Variants in PROS1 observed in about 807,000 individuals in gnomAD.
PROS1 encodes the protein vitamin K-dependent protein S.
A neutral mutation model predicts 75.9 loss-of-function variants in PROS1; 29 were observed. That is an observed-to-expected ratio of 0.38 (90% CI 0.28 to 0.52). The LOEUF is 0.52. Ranked by LOEUF, PROS1 falls within the 20% of genes least tolerant of loss-of-function variation. The probability of loss-of-function intolerance (pLI) is 0.83; values close to 1 mark genes in which losing one functional copy is unlikely to be tolerated. For missense variants in PROS1, 680 were observed against 810.3 expected (o/e 0.84, Z 1.95); for synonymous variants, 245 against 280.6 (o/e 0.87, Z 1.27).
intron 10 of PROS1, among the ~76,000 whole-genome samples, chr3:93,890,002 G>A (rs1445577270): frequency 2.6e-5 from 4 of 152,064 alleles, no homozygotes; most frequent in Non-Finnish European, 5.9e-5. Flanking sequence ...CTGCAAGTAG[G>A]GAAGATATTG....
chr3:93,971,629 A>C (rs1709882954), intron 1 of PROS1, among the ~76,000 whole-genome samples: 2 of 124,452 alleles, frequency 1.6e-5, no homozygotes, highest in South Asian at 5.2e-4. Flanking sequence ...AATAAAAACC[A>C]CACACACACA....
In PROS1 at chr3:93,905,807, A is replaced by C; in HGVS notation, c.578T>G (p.Leu193Arg). ...ACCTTTACAATCTTTCTTATTTGAA[A>C]GCATAACAAAACCATTTTTACAGGA... The part of the protein sequence containing the change: ...HCSCKNGFVM[L>R]SNKKDCKDVD... Residue 193 changes from leucine (L) to arginine (R), a missense_variant, in exon 6 of 15, where the codon CTT (leucine) becomes CGT (arginine). Transcript: ENST00000394236. 1 of 1,612,332 alleles carries C rather than the reference A, an allele frequency of 6.2e-7. No individual in the cohort carries two copies. The highest frequency in any genetic ancestry group is 2.2e-5 in the East Asian group (1 of 44,848).
chr3:93,923,997 T>C (rs1163369330), intron 3 of PROS1, among the ~76,000 whole-genome samples: 2 of 151,696 alleles, frequency 1.3e-5, no homozygotes, highest in African/African-American at 4.8e-5. Flanking sequence ...AAGAGCTTCA[T>C]GAGAAAGACA....
chr3:93,929,565 T>C (rs1240456016), intron 1 of PROS1, among the ~76,000 whole-genome samples: 1 of 152,182 alleles, frequency 6.6e-6, no homozygotes, highest in African/African-American at 2.4e-5. Context: ...GAAGATACTC[T>C]TGTACTGGAG....
At chr3:93,911,269 G>A (rs1236777411) in intron 3 of PROS1, 1 of 152,918 alleles carries the variant, frequency 6.5e-6, no homozygotes, top group Non-Finnish European at 1.5e-5. Context: ...ATAGCAACCT[G>A]GTAGATATTG....
At chr3:93,954,981 A>G (rs1709573479) in intron 1 of PROS1, among the ~76,000 whole-genome samples, 1 of 152,250 alleles carries the variant, frequency 6.6e-6, no homozygotes, top group Non-Finnish European at 1.5e-5. Flanking sequence ...AAAAATGCTC[A>G]TCATCACTGG....
At chr3:93,948,202 A>C (rs1482788231) in intron 1 of PROS1, among the ~76,000 whole-genome samples, 1 of 152,212 alleles carries the variant, frequency 6.6e-6, no homozygotes, top group Non-Finnish European at 1.5e-5. Context: ...AATAGAGGTA[A>C]TTGAAGACAC....
chr3:93,927,968 T>C (rs1232855448), intron 1 of PROS1, among the ~76,000 whole-genome samples: 1 of 121,326 alleles, frequency 8.2e-6, no homozygotes, highest in African/African-American at 2.9e-5. Context: ...TATATATATA[T>C]GTGTGTATAT....
intron 12 of PROS1, among the ~76,000 whole-genome samples, chr3:93,881,566 T>C (rs1708276529): frequency 6.7e-6 from 1 of 149,222 alleles, no homozygotes; most frequent in Non-Finnish European, 1.5e-5. Flanking sequence ...CTTTTTTTTT[T>C]TTTTTTTTTG....
At chr3:93,927,201 T>C (rs762165540) in intron 2 of PROS1, 49 bp downstream of exon 2, 7 of 1,607,266 alleles carry the variant, frequency 4.4e-6, no homozygotes, top group Admixed American at 1.7e-5. Context: ...GTTCAGTCTG[T>C]AGTTGTATGT....
At chr3:93,927,539 T>C in intron 1 of PROS1, 132 bp from the exon 2 acceptor site, 1 of 1,123,482 alleles carries the variant, frequency 8.9e-7, no homozygotes, top group Non-Finnish European at 1.2e-6. Flanking sequence ...ATGATCGAAC[T>C]AAGAAAAAAA....
chr3:93,970,310 G>T (rs193097647), intron 1 of PROS1, among the ~76,000 whole-genome samples: 1 of 152,250 alleles, frequency 6.6e-6, no homozygotes, highest in Non-Finnish European at 1.5e-5. Context: ...AGTGGGAAAT[G>T]ATTAAAATAT....
chr3:93,964,176 A>G (rs1341586056), intron 1 of PROS1, among the ~76,000 whole-genome samples: 7 of 152,226 alleles, frequency 4.6e-5, no homozygotes, highest in Admixed American at 3.9e-4. Context: ...ATATGAAATC[A>G]GTGCACCTTG....
At chr3:93,913,669 CTT>C (rs967857615) in intron 3 of PROS1, among the ~76,000 whole-genome samples, 1 of 152,196 alleles carries the variant, frequency 6.6e-6, no homozygotes, top group African/African-American at 2.4e-5. Flanking sequence ...AATTAAACCT[CTT>C]TTCTTTATAA....
At chr3:93,936,464 G>A (rs572221016) in intron 1 of PROS1, among the ~76,000 whole-genome samples, 10 of 151,848 alleles carry the variant, frequency 6.6e-5, no homozygotes, top group Admixed American at 3.9e-4. Context: ...AATAATAAAG[G>A]ATTAGTGTCC....
At chr3:93,932,061 C>A (rs1047934244) in intron 1 of PROS1, among the ~76,000 whole-genome samples, 3 of 152,206 alleles carry the variant, frequency 2.0e-5, no homozygotes, top group African/African-American at 7.2e-5. Context: ...TTGGATGAGA[C>A]AAGCATGGGG....
chr3:93,922,689 T>C (rs7650597), intron 3 of PROS1, among the ~76,000 whole-genome samples: 2,468 of 152,262 alleles, frequency 0.016, 61 homozygotes, highest in African/African-American at 0.055. Flanking sequence ...GAAAGGACTG[T>C]TTTGTTTTGC....
intron 1 of PROS1, among the ~76,000 whole-genome samples, chr3:93,947,310 C>T (rs1709419381): frequency 6.6e-6 from 1 of 152,190 alleles, no homozygotes; most frequent in South Asian, 2.1e-4. Context: ...ATAAGCATCA[C>T]ATTAACTATA....
intron 1 of PROS1, among the ~76,000 whole-genome samples, chr3:93,936,768 C>A (rs1390662228): frequency 6.6e-6 from 1 of 152,194 alleles, no homozygotes; most frequent in Non-Finnish European, 1.5e-5. Flanking sequence ...CTATTTCTAG[C>A]TGCTCTGTAA....
Sources: gnomAD v4.1 joint callset for allele counts (sites outside exome capture counted in the v4.1 genomes callset) on GRCh38, gnomAD v4.1.1 for gene constraint, MANE v1.5 for transcripts, NCBI Gene and HGNC (gene_info 2026-07-23, HGNC 2026-07-21) for gene names.